The following ROBO1 variants were observed in gnomAD, a reference collection of about 807,000 sequenced individuals.
ROBO1 encodes roundabout guidance receptor 1, also known as roundabout homolog 1.
In ROBO1, 149 loss-of-function variants were observed where a neutral mutation model predicts 195.9. The observed-to-expected ratio is 0.76, with a 90% CI of 0.67 to 0.87. ROBO1 has a LOEUF of 0.87. ROBO1 is among the 40% of genes least tolerant of loss of function. The pLI is 0.00. For synonymous variants in ROBO1, 816 were observed against 733.2 expected, an observed-to-expected ratio of 1.11 and a Z score of -1.82; for missense variants, 1,933 against 2,068.3, an observed-to-expected ratio of 0.93 and a Z score of 1.27.
At chr3:79,356,927 T>C (rs1407730015) in intron 2 of ROBO1, among the ~76,000 whole-genome samples, 1 of 152,166 alleles carries the variant, frequency 6.6e-6, no homozygotes, top group Non-Finnish European at 1.5e-5. Flanking sequence ...TTTGAAATAA[T>C]GTCAATGTTC....
intron 4 of ROBO1, among the ~76,000 whole-genome samples, chr3:78,755,343 G>T (rs2082902200): frequency 6.6e-6 from 1 of 152,094 alleles, no homozygotes; most frequent in African/African-American, 2.4e-5. Flanking sequence ...GCATGGTGGT[G>T]CTCACCAGTG....
At chr3:79,468,548 G>T (rs541472032) in intron 2 of ROBO1, among the ~76,000 whole-genome samples, 19 of 152,244 alleles carry the variant, frequency 1.2e-4, no homozygotes, top group African/African-American at 4.6e-4. Context: ...CTATTTAAGT[G>T]GCAAGCTTAA....
At chr3:79,550,248 G>GA (rs1942460204) in intron 2 of ROBO1, among the ~76,000 whole-genome samples, 1 of 137,646 alleles carries the variant, frequency 7.3e-6, no homozygotes, top group African/African-American at 3.0e-5. Context: ...AAAGAAAAGG[G>GA]GATCTTAAAG....
intron 8 of ROBO1, among the ~76,000 whole-genome samples, chr3:78,690,941 C>A (rs534611381): frequency 4.3e-4 from 65 of 152,206 alleles, no homozygotes; most frequent in African/African-American, 1.5e-3. Context: ...GGAATACAAA[C>A]CCTTATGCTA....
chr3:79,597,150 T>C (rs749923183), intron 1 of ROBO1, among the ~76,000 whole-genome samples: 2 of 151,574 alleles, frequency 1.3e-5, no homozygotes, highest in African/African-American at 2.4e-5. Context: ...TGTGTGTGTG[T>C]ATTATGACTG....
intron 4 of ROBO1, among the ~76,000 whole-genome samples, chr3:78,906,755 G>A (rs1004499354): frequency 1.3e-5 from 2 of 151,892 alleles, no homozygotes; most frequent in African/African-American, 4.8e-5. Context: ...AAATTAAAAT[G>A]TAGAAAAATG....
intron 2 of ROBO1, among the ~76,000 whole-genome samples, chr3:79,301,035 C>T (rs757926332): frequency 6.6e-6 from 1 of 152,082 alleles, no homozygotes; most frequent in African/African-American, 2.4e-5. Flanking sequence ...GCTGCCCGAG[C>T]CAGCAGTGGC....
rs1575833870 is a variant in ROBO1 at position 78,646,167 on chromosome 3, C to T, written c.2863G>A (p.Ala955Thr). Residue 955 changes from alanine (A) to threonine (T), a missense_variant, in exon 21 of 31, where the codon GCT becomes ACT. Around this residue, in one of 3 missense-constraint regions of ROBO1, gnomAD observed 1,737 missense variants for 1,882.5 expected, o/e 0.92. Coordinates refer to ENST00000464233, the MANE Select transcript of ROBO1 (RefSeq NM_002941.4). ...AATTACCTCCCTCCACTGCTGACAG[C>T]TTCGCCTCCTCTCTGGTAAGTTACT... is the stretch of plus-strand genomic sequence containing the variant. ...PTVTYQRGGE[A>T]VSSGGRPGLL... The T allele has an allele frequency of 3.1e-6, 5 of 1,607,118 alleles. No individual in the cohort carries two copies. The highest frequency in any genetic ancestry group is 2.2e-5 in the East Asian group (1 of 44,768).
chr3:79,762,129 G>T (rs1005544249), intron 1 of ROBO1, among the ~76,000 whole-genome samples: 4 of 152,140 alleles, frequency 2.6e-5, no homozygotes, highest in Non-Finnish European at 5.9e-5. Context: ...GTAAACAATA[G>T]AAATGCTTTT....
intron 2 of ROBO1, among the ~76,000 whole-genome samples, chr3:79,223,406 C>T (rs899676733): frequency 2.6e-5 from 4 of 151,958 alleles, no homozygotes; most frequent in African/African-American, 7.3e-5. Flanking sequence ...CTATATTATT[C>T]GAGTAAAAGC....
At chr3:79,727,241 G>T (rs1702961198) in intron 1 of ROBO1, among the ~76,000 whole-genome samples, 1 of 152,044 alleles carries the variant, frequency 6.6e-6, no homozygotes, top group African/African-American at 2.4e-5. Flanking sequence ...AAAAGCTAGG[G>T]ATTGCTGCTA....
intron 4 of ROBO1, among the ~76,000 whole-genome samples, chr3:78,872,728 C>T (rs373444280): frequency 1.3e-5 from 2 of 152,226 alleles, no homozygotes; most frequent in South Asian, 4.1e-4. Flanking sequence ...GTAACACTCA[C>T]GTTATCAGTA....
chr3:78,861,739 A>T (rs2034855667), intron 4 of ROBO1, among the ~76,000 whole-genome samples: 1 of 152,186 alleles, frequency 6.6e-6, no homozygotes, highest in Admixed American at 6.5e-5. Context: ...AAATAACTGC[A>T]ATTTCCTTTG....
intron 26 of ROBO1, among the ~76,000 whole-genome samples, chr3:78,620,769 T>C (rs571412195): frequency 6.6e-6 from 1 of 152,082 alleles, no homozygotes; most frequent in African/African-American, 2.4e-5. Flanking sequence ...TTAAGGGTCT[T>C]ACCAAAGTTG....
At chr3:79,063,808 C>T (rs961157270) in intron 3 of ROBO1, among the ~76,000 whole-genome samples, 3 of 150,988 alleles carry the variant, frequency 2.0e-5, no homozygotes, top group South Asian at 4.2e-4. Flanking sequence ...AATAGGCAAA[C>T]GTGAAAAAAA....
intron 2 of ROBO1, 30 bp downstream of exon 2, chr3:79,589,794 G>A (rs1373918814): frequency 1.4e-5 from 21 of 1,529,254 alleles, no homozygotes; most frequent in Non-Finnish European, 1.8e-5. Flanking sequence ...TACTGGTTAA[G>A]TATTGATGAA....
intron 2 of ROBO1, among the ~76,000 whole-genome samples, chr3:79,314,653 CT>C (rs1430917249): frequency 6.6e-6 from 1 of 152,176 alleles, no homozygotes; most frequent in Admixed American, 6.5e-5. Context: ...TCTGTTTATT[CT>C]TTCCACAAAT....
At chr3:79,158,365 T>C (rs566216052) in intron 2 of ROBO1, among the ~76,000 whole-genome samples, 2 of 151,552 alleles carry the variant, frequency 1.3e-5, no homozygotes, top group African/African-American at 4.8e-5. Context: ...ACATATTTTC[T>C]GTAATGTATG....
chr3:79,173,368 C>T (rs113153265), intron 2 of ROBO1, among the ~76,000 whole-genome samples: 30 of 152,206 alleles, frequency 2.0e-4, no homozygotes, highest in South Asian at 1.5e-3. Context: ...CAGGGCTGCG[C>T]GCGGTGCTTG....
Sources: allele counts gnomAD v4.1 joint callset (sites outside exome capture counted in the v4.1 genomes callset), GRCh38; gene constraint gnomAD v4.1.1; regional missense constraint gnomAD v4.1.1; transcripts MANE v1.5; gene names NCBI Gene and HGNC (gene_info 2026-07-23, HGNC 2026-07-21).